The following OSBP2 variants were observed in gnomAD, a reference collection of about 807,000 sequenced individuals.
OSBP2 encodes the protein oxysterol binding protein 2.
OSBP2 carries 66 observed loss-of-function variants against 96.0 expected under a neutral mutation model. The observed-to-expected ratio is 0.69, with a 90% confidence interval of 0.56 to 0.84. The LOEUF is 0.84. Ranked by LOEUF, OSBP2 falls within the 40% of genes least tolerant of loss-of-function variation. The pLI is 0.00. For missense variants in OSBP2, 1,038 were observed against 1,222.7 expected (o/e 0.85, Z 2.25); for synonymous variants, 525 against 520.9 (o/e 1.01, Z -0.11).
At position 30,725,732 on chromosome 22, in the gene OSBP2, G is replaced by T. The variant is rs1407284152; in HGVS notation, c.645-15429G>T. Among the ~76,000 whole-genome samples, 4 of 151,786 alleles carry T rather than the reference G, an allele frequency of 2.6e-5. No individual in the cohort carries two copies. The East Asian group carries it at 5.8e-4, about 22-fold the overall frequency. ...ACTTGATAATACTTGATAAATATTT[G>T]CTAAATGAATCAATGTCTGCTTTTC... On this transcript the variant is annotated intron_variant, in intron 1 of 13. Transcript: ENST00000332585.
intron 2 of OSBP2, among the ~76,000 whole-genome samples, chr22:30,829,615 G>A (rs1056096227): frequency 7.2e-5 from 11 of 152,130 alleles, no homozygotes; most frequent in Admixed American, 2.6e-4. Flanking sequence ...CCACCACGCC[G>A]GGCCCTTACC....
intron 1 of OSBP2, among the ~76,000 whole-genome samples, chr22:30,707,485 C>G (rs185788920): frequency 1.3e-5 from 2 of 151,700 alleles, no homozygotes; most frequent in Non-Finnish European, 1.5e-5. Flanking sequence ...GAGGCTGAGG[C>G]GGGCGGATCA....
chr22:30,897,883 G>A (rs1410801909), intron 12 of OSBP2, among the ~76,000 whole-genome samples: 1 of 151,526 alleles, frequency 6.6e-6, no homozygotes, highest in Admixed American at 6.6e-5. Context: ...CTGGAAGGCA[G>A]AGGTGGCAGT....
chr22:30,763,789 G>A (rs1286889149), intron 2 of OSBP2, among the ~76,000 whole-genome samples: 1 of 152,164 alleles, frequency 6.6e-6, no homozygotes, highest in Admixed American at 6.6e-5. Flanking sequence ...AAATGTAACT[G>A]GGCATCCTGC....
chr22:30,853,501 CAT>C (rs1416082353), intron 2 of OSBP2, among the ~76,000 whole-genome samples: 9 of 152,110 alleles, frequency 5.9e-5, no homozygotes, highest in Non-Finnish European at 1.0e-4. Context: ...TTACAGAAAA[CAT>C]ATGATTGGTT....
chr22:30,750,702 C>G (rs1053341930), intron 2 of OSBP2, among the ~76,000 whole-genome samples: 2 of 152,216 alleles, frequency 1.3e-5, no homozygotes, highest in Admixed American at 1.3e-4. Flanking sequence ...AACCTCTTAT[C>G]CCAACCCAGG....
In OSBP2 at chr22:30,715,317, T is replaced by C. The variant is rs554268258; in HGVS notation, c.644+19764T>C. Among the ~76,000 whole-genome samples, 210 of 152,156 alleles carry C rather than the reference T, an allele frequency of 1.4e-3. 1 individual carries two copies. Among genetic ancestry groups the C allele is most frequent in the African/African-American group, 4.8e-3 (199 of 41,534 alleles). ...AATGGATGTGAGATGGTATCTATTG[T>C]GGTTTTGATTTGCATTTCTGTGATG... is the stretch of plus-strand genomic sequence containing the variant. On this transcript the variant is annotated intron_variant, in intron 1 of 13. Transcript: ENST00000332585.
intron 2 of OSBP2, among the ~76,000 whole-genome samples, chr22:30,858,261 C>T (rs1343228387): frequency 1.3e-5 from 2 of 151,040 alleles, no homozygotes; most frequent in Admixed American, 6.6e-5. Context: ...ATTCTCCTGC[C>T]TCAGCCTCCC....
Position 30,730,804 on chromosome 22 carries a change from A to T in OSBP2, c.645-10357A>T, listed in dbSNP as rs57453014. ...TATATATATATATATATATATATAT[A>T]TATAATTTTTTTTTTTTTTCCCATG... is the stretch of plus-strand genomic sequence containing the variant. On this transcript the variant is annotated intron_variant, in intron 1 of 13. Coordinates refer to ENST00000332585, the MANE Select transcript of OSBP2 (RefSeq NM_030758.4). Among the ~76,000 whole-genome samples the T allele has an allele frequency of 9.5e-3, 439 of 46,112 alleles. 25 individuals are homozygous for T. Among genetic ancestry groups the T allele is most frequent in the East Asian group, 0.025 (36 of 1,414 alleles). The allele number at this position is 46,112 out of a possible 152,430, so 30.3% of individuals were successfully genotyped here.
intron 2 of OSBP2, among the ~76,000 whole-genome samples, chr22:30,814,233 A>G (rs917733491): frequency 1.3e-5 from 2 of 152,020 alleles, no homozygotes; most frequent in Non-Finnish European, 1.5e-5. Context: ...ATTCTGTCAC[A>G]GTTCTGGAAG....
chr22:30,888,306 T>C lies in OSBP2; in HGVS notation c.1384T>C (p.Phe462Leu). 6.2e-7 allele frequency: 1 copy of C among 1,613,282 alleles called. No homozygotes were observed. Among genetic ancestry groups the C allele is most frequent in the Non-Finnish European group, 8.5e-7 (1 of 1,179,350 alleles). ...YFDAMEDSTS[F>L]ITVITEAKED... Reference sequence around the variant, plus strand: ...TGATGCCATGGAAGACTCCACATCCTTCATCACCGTGATCACCGAGGCCAA... The same window carrying C: ...TGATGCCATGGAAGACTCCACATCCCTCATCACCGTGATCACCGAGGCCAA... The change falls in exon 5 of 14, where the codon TTC becomes CTC. Residue 462 changes from phenylalanine to leucine, a missense_variant. By Grantham distance (22) the Phe-to-Leu change is conservative (BLOSUM62 0). Transcript: ENST00000332585.
rs759900877 is a variant in OSBP2 at position 30,905,824 on chromosome 22, A to ACCACCG, written c.2376-8_2376-3dup. On this transcript the variant is annotated splice_polypyrimidine_tract_variant and intron_variant, in intron 12 of 13. Transcript: ENST00000332585. The stretch of plus-strand genomic sequence containing the variant: ...CACCGCAGCCACCGCCACCGCCACC[A>ACCACCG]CCACCGCCACAGGGAGAACGCGGAG... 1 of 1,603,546 alleles carries ACCACCG rather than the reference A, an allele frequency of 6.2e-7. No individual in the cohort carries two copies. The highest frequency in any genetic ancestry group is 8.5e-7 in the Non-Finnish European group (1 of 1,173,078).
At chr22:30,756,705 A>G (rs2090144864) in intron 2 of OSBP2, among the ~76,000 whole-genome samples, 1 of 152,000 alleles carries the variant, frequency 6.6e-6, no homozygotes, top group Non-Finnish European at 1.5e-5. Flanking sequence ...AAACAAAACA[A>G]ACAAACAAAA....
chr22:30,804,658 A>G (rs1382360806), intron 2 of OSBP2, among the ~76,000 whole-genome samples: 3 of 152,222 alleles, frequency 2.0e-5, no homozygotes, highest in Non-Finnish European at 4.4e-5. Context: ...TCGTAAGGGA[A>G]AAGTATAATA....
At chr22:30,746,200 A>G (rs1269254775) in intron 2 of OSBP2, among the ~76,000 whole-genome samples, 1 of 152,012 alleles carries the variant, frequency 6.6e-6, no homozygotes, top group African/African-American at 2.4e-5. Context: ...GGGAGGATCA[A>G]CTGAGCCCAG....
intron 2 of OSBP2, among the ~76,000 whole-genome samples, chr22:30,812,430 T>C (rs1391474025): frequency 1.3e-5 from 2 of 152,214 alleles, no homozygotes; most frequent in African/African-American, 2.4e-5. Context: ...CCTCTCAAAG[T>C]GCTAGGATTA....
chr22:30,760,166 CTTT>C (rs78673894), intron 2 of OSBP2, among the ~76,000 whole-genome samples: 1 of 138,086 alleles, frequency 7.2e-6, no homozygotes. Flanking sequence ...CTGCACCCGG[CTTT>C]TTTTTTTTTT....
intron 2 of OSBP2, among the ~76,000 whole-genome samples, chr22:30,807,204 C>G (rs1343872458): frequency 6.6e-6 from 1 of 152,186 alleles, no homozygotes; most frequent in Non-Finnish European, 1.5e-5. Flanking sequence ...GGCCCCATCT[C>G]TCCTACCTTG....
At chr22:30,819,546 A>T (rs1295349956) in intron 2 of OSBP2, among the ~76,000 whole-genome samples, 1 of 152,222 alleles carries the variant, frequency 6.6e-6, no homozygotes, top group Admixed American at 6.5e-5. Context: ...ATTTTCTTTA[A>T]GGACGAGTTG....
Sources: allele counts gnomAD v4.1 joint callset (sites outside exome capture counted in the v4.1 genomes callset), GRCh38; gene constraint gnomAD v4.1.1; transcripts MANE v1.5; gene names NCBI Gene and HGNC (gene_info 2026-07-23, HGNC 2026-07-21).